Variants in CELF2 observed in about 807,000 individuals in gnomAD.
CELF2 encodes CUGBP Elav-like family member 2.
A neutral mutation model predicts 62.6 loss-of-function variants in CELF2; 8 were observed. The ratio of observed to expected loss-of-function variants is 0.13; its 90% CI spans 0.07 to 0.23. The LOEUF is 0.23. Ranked by LOEUF, CELF2 falls within the 10% of genes least tolerant of loss-of-function variation. The probability of loss-of-function intolerance (pLI) is 1.00; values close to 1 mark genes in which losing one functional copy is unlikely to be tolerated. For missense variants in CELF2, 333 were observed against 671.0 expected (o/e 0.50, Z 5.56); for synonymous variants, 258 against 250.0 (o/e 1.03, Z -0.30).
chr10:10,679,834 TTCCTTTTTCTCC>T, the CELF2 span, among the ~76,000 whole-genome samples: 1 of 152,352 alleles, frequency 6.6e-6, no homozygotes, highest in South Asian at 2.1e-4. Context: ...TGTTACATTA[TTCCTTTTTCTCC>T]TTCAATTTAG....
intron 2 of CELF2, among the ~76,000 whole-genome samples, chr10:10,985,906 G>A (rs955223736): frequency 6.6e-6 from 1 of 152,174 alleles, no homozygotes; most frequent in African/African-American, 2.4e-5. Context: ...CCATAGAATA[G>A]GCATGTGGGC....
intron 9 of CELF2, among the ~76,000 whole-genome samples, 186 bp downstream of exon 9, chr10:11,288,738 A>G (rs2091948487): frequency 6.6e-6 from 1 of 152,074 alleles, no homozygotes. Context: ...TTTGTCTTTT[A>G]TTTTCCATGG....
chr10:11,284,675 A>G, intron 8 of CELF2, among the ~76,000 whole-genome samples: 1 of 129,086 alleles, frequency 7.7e-6, no homozygotes, highest in African/African-American at 3.0e-5. Flanking sequence ...AGGATGTGTG[A>G]GTGTGTGGAT....
chr10:10,618,184 T>C, the CELF2 span, among the ~76,000 whole-genome samples: 1 of 152,010 alleles, frequency 6.6e-6, no homozygotes, highest in East Asian at 1.9e-4. Context: ...CTGAAGGATC[T>C]TTTCAAAGTC....
chr10:11,116,155 C>T (rs1333141372), intron 1 of CELF2, among the ~76,000 whole-genome samples: 2 of 152,182 alleles, frequency 1.3e-5, no homozygotes, highest in Non-Finnish European at 2.9e-5. Flanking sequence ...TGCTTCTCTG[C>T]AAGAATGCTA....
chr10:10,967,095 G>A (rs80009462), intron 2 of CELF2, among the ~76,000 whole-genome samples: 2,126 of 152,282 alleles, frequency 0.014, 57 homozygotes, highest in African/African-American at 0.048. Context: ...GTAGGTTCAC[G>A]GAGACTCCGG....
At chr10:11,044,473 A>T (rs2062451554) in intron 1 of CELF2, among the ~76,000 whole-genome samples, 1 of 152,126 alleles carries the variant, frequency 6.6e-6, no homozygotes, top group Non-Finnish European at 1.5e-5. Context: ...AGACTTCTAT[A>T]TGTACGTATC....
the CELF2 span, among the ~76,000 whole-genome samples, chr10:10,619,790 G>C: frequency 6.6e-6 from 1 of 152,200 alleles, no homozygotes; most frequent in Non-Finnish European, 1.5e-5. Context: ...TAGAAATTGA[G>C]ACCCCATGGG....
intron 1 of CELF2, among the ~76,000 whole-genome samples, chr10:10,884,431 T>C (rs2061627531): frequency 6.6e-6 from 1 of 152,194 alleles, no homozygotes. Flanking sequence ...TGCTTTTAAA[T>C]GTCAAAGGTC....
the CELF2 span, among the ~76,000 whole-genome samples, chr10:10,759,928 G>T: frequency 9.2e-5 from 14 of 151,890 alleles, no homozygotes; most frequent in African/African-American, 3.4e-4. Context: ...TTTTTGAGAT[G>T]GAGTTTCGCT....
At chr10:10,606,025 G>A in the CELF2 span, among the ~76,000 whole-genome samples, 5 of 152,284 alleles carry the variant, frequency 3.3e-5, no homozygotes, top group African/African-American at 7.2e-5. Context: ...GACTCAGAAC[G>A]TTGGAAAGCA....
At position 11,165,200 on chromosome 10, in the gene CELF2, G is replaced by A. The variant is rs913628078; in HGVS notation, c.75-286G>A. 2 of 1,256,768 alleles carry A rather than the reference G, an allele frequency of 1.6e-6. No individual in the cohort carries two copies. The highest frequency in any genetic ancestry group is 1.0e-6 in the Non-Finnish European group (1 of 996,796). The allele number at this position is 1,256,768 out of a possible 1,614,324, so 77.9% of individuals were successfully genotyped here. On this transcript the variant is annotated intron_variant, in intron 1 of 12. Transcript: ENST00000633077. The surrounding 1 kb of genome is among the most constrained non-coding windows in gnomAD (Gnocchi z 7.4). ...CACTTAACTTGCAGCTGCCTCCCGA[G>A]CCTCCAAGATGTCCACGCCCTGGGT...
At chr10:10,851,259 T>C (rs191526449) in intron 1 of CELF2, among the ~76,000 whole-genome samples, 1 of 152,324 alleles carries the variant, frequency 6.6e-6, no homozygotes, top group East Asian at 1.9e-4. Context: ...AATTAAGCAA[T>C]TACATTCTTG....
chr10:10,621,243 C>CAAA, the CELF2 span, among the ~76,000 whole-genome samples: 18 of 45,320 alleles, frequency 4.0e-4, no homozygotes, highest in African/African-American at 8.4e-4. Flanking sequence ...GACTCTGACT[C>CAAA]AAAAAAAAAA....
intron 1 of CELF2, among the ~76,000 whole-genome samples, chr10:11,107,024 C>T (rs2053677692): frequency 6.6e-6 from 1 of 152,254 alleles, no homozygotes; most frequent in Non-Finnish European, 1.5e-5. Flanking sequence ...CCCTTCCAGA[C>T]ATCCCACTTG....
chr10:10,999,220 G>C (rs1366815165), intron 2 of CELF2, among the ~76,000 whole-genome samples: 1 of 152,170 alleles, frequency 6.6e-6, no homozygotes, highest in Non-Finnish European at 1.5e-5. Flanking sequence ...TAACGCACAG[G>C]AAGAATGCTT....
At chr10:10,483,891 C>G in the CELF2 span, among the ~76,000 whole-genome samples, 1 of 150,584 alleles carries the variant, frequency 6.6e-6, no homozygotes, top group African/African-American at 2.4e-5. Context: ...TCTCTCTCGT[C>G]TCTCTCTCAT....
At chr10:10,754,377 T>G in the CELF2 span, among the ~76,000 whole-genome samples, 1 of 152,034 alleles carries the variant, frequency 6.6e-6, no homozygotes, top group Non-Finnish European at 1.5e-5. Context: ...GTCTCAAACT[T>G]CCGGACTTGA....
chr10:10,743,919 AG>A, the CELF2 span, among the ~76,000 whole-genome samples: 1 of 147,528 alleles, frequency 6.8e-6, no homozygotes, highest in Non-Finnish European at 1.5e-5. Flanking sequence ...GTCCAGCAGC[AG>A]CCATGCTCAT....
Sources: gnomAD v4.1 joint callset for allele counts (sites outside exome capture counted in the v4.1 genomes callset) on GRCh38, gnomAD v4.1.1 for gene constraint, Gnocchi (gnomAD v3.1) non-coding constraint, MANE v1.5 for transcripts, NCBI Gene and HGNC (gene_info 2026-07-23, HGNC 2026-07-21) for gene names.